Variants in DYNC1I1 observed in about 807,000 individuals in gnomAD.
The protein encoded by DYNC1I1 is dynein cytoplasmic 1 intermediate chain 1, also known as cytoplasmic dynein 1 intermediate chain 1.
Under a neutral mutation model 86.6 loss-of-function variants are expected in DYNC1I1, and 43 were observed. The ratio of observed to expected loss-of-function variants is 0.50; its 90% CI spans 0.39 to 0.64. DYNC1I1 has a LOEUF of 0.64. Among genes scored for constraint, DYNC1I1 ranks in the 30% least tolerant of loss-of-function variants. The probability of loss-of-function intolerance (pLI) is 0.00; values close to 1 mark genes in which losing one functional copy is unlikely to be tolerated. For synonymous variants in DYNC1I1, 262 were observed against 283.7 expected (o/e 0.92, Z 0.77); for missense variants, 604 against 788.8 (o/e 0.77, Z 2.81).
chr7:96,011,200 G>A (rs975331898), intron 10 of DYNC1I1, among the ~76,000 whole-genome samples: 1 of 152,050 alleles, frequency 6.6e-6, no homozygotes, highest in Admixed American at 6.6e-5. Flanking sequence ...TCTTGACTGT[G>A]GAAGTAGTCT....
chr7:95,959,167 A>T (rs77773626), intron 6 of DYNC1I1, among the ~76,000 whole-genome samples: 1 of 151,962 alleles, frequency 6.6e-6, no homozygotes, highest in African/African-American at 2.4e-5. Flanking sequence ...GTGAGAGGCT[A>T]TGAATGCTTG....
At chr7:96,019,241 C>T (rs1346734387) in intron 10 of DYNC1I1, among the ~76,000 whole-genome samples, 1 of 151,850 alleles carries the variant, frequency 6.6e-6, no homozygotes, top group African/African-American at 2.4e-5. Context: ...ATTGTAGTCA[C>T]CATGTTGTAC....
intron 14 of DYNC1I1, among the ~76,000 whole-genome samples, chr7:96,048,722 G>C (rs895184691): frequency 2.6e-5 from 4 of 152,164 alleles, no homozygotes; most frequent in Non-Finnish European, 5.9e-5. Flanking sequence ...CTAGTTTAGG[G>C]TTCAGACAGG....
rs192874255 is a variant in DYNC1I1, at chr7:95,947,726, G to A, written c.491-29786G>A. Among the ~76,000 whole-genome samples, 6 of 152,218 alleles carry A rather than the reference G, an allele frequency of 3.9e-5. No individual in the cohort carries two copies. In the East Asian group the frequency reaches 7.8e-4, roughly 20 times the overall value. On this transcript the variant is annotated intron_variant, in intron 6 of 16. Transcript: ENST00000447467. ...AGCTTAGACAGGCAAAGGAGCTAAGGCAGCTGAAATGCTCTGCATAAAATA... is the reference window on the plus strand; with the variant it reads ...AGCTTAGACAGGCAAAGGAGCTAAGACAGCTGAAATGCTCTGCATAAAATA...
chr7:96,001,038 A>G (rs1793998857), intron 10 of DYNC1I1, among the ~76,000 whole-genome samples: 1 of 152,206 alleles, frequency 6.6e-6, no homozygotes, highest in Non-Finnish European at 1.5e-5. Flanking sequence ...TCATTACAAA[A>G]ACTAGCCTCT....
At position 95,806,499 on chromosome 7, in the gene DYNC1I1, G is replaced by A. The variant is rs189158071; in HGVS notation, c.108+1662G>A. 9.8e-5 allele frequency among the ~76,000 whole-genome samples: 15 copies of A among 152,300 alleles called. No individual in the cohort carries two copies. In the East Asian group the frequency reaches 2.9e-3, roughly 29 times the overall value. On this transcript the variant is annotated intron_variant, in intron 2 of 16. Transcript: ENST00000447467. ...TGGGAGGTTGGAGGCTGCAGGTAGT[G>A]GAGGGTGTGGAACACCTGGACTCTA...
chr7:96,047,637 A>AT (rs1400326330), intron 14 of DYNC1I1, among the ~76,000 whole-genome samples: 1 of 152,206 alleles, frequency 6.6e-6, no homozygotes, highest in African/African-American at 2.4e-5. Context: ...GACACAGAAA[A>AT]TATAGACTAG....
At chr7:95,964,134 A>G (rs1229240527) in intron 6 of DYNC1I1, among the ~76,000 whole-genome samples, 1 of 152,188 alleles carries the variant, frequency 6.6e-6, no homozygotes, top group Non-Finnish European at 1.5e-5. Context: ...TGAGAATCTG[A>G]CTGTGATGAA....
At chr7:96,090,599 G>A (rs536275977) in intron 16 of DYNC1I1, among the ~76,000 whole-genome samples, 13 of 152,096 alleles carry the variant, frequency 8.5e-5, no homozygotes, top group African/African-American at 3.1e-4. Flanking sequence ...TGGCAGAGAG[G>A]TCTGAAGCTT....
At chr7:96,033,756 T>G (rs1794868358) in intron 12 of DYNC1I1, among the ~76,000 whole-genome samples, 1 of 152,160 alleles carries the variant, frequency 6.6e-6, no homozygotes, top group Non-Finnish European at 1.5e-5. Flanking sequence ...ACACTTGTAA[T>G]CCCAGCACTT....
chr7:95,793,346 G>T (rs954392129), intron 1 of DYNC1I1, among the ~76,000 whole-genome samples: 1 of 152,126 alleles, frequency 6.6e-6, no homozygotes, highest in Non-Finnish European at 1.5e-5. Flanking sequence ...TTACAAAACA[G>T]CTTTATTGGG....
chr7:95,835,199 A>T (rs1407506176), intron 5 of DYNC1I1, among the ~76,000 whole-genome samples: 1 of 97,996 alleles, frequency 1.0e-5, no homozygotes, highest in Non-Finnish European at 2.0e-5. Flanking sequence ...TTCAAAGAAC[A>T]TCTTTATTTC....
At chr7:95,953,138 G>T (rs1034176731) in intron 6 of DYNC1I1, among the ~76,000 whole-genome samples, 3 of 149,262 alleles carry the variant, frequency 2.0e-5, no homozygotes, top group Admixed American at 1.4e-4. Flanking sequence ...GATATACAGA[G>T]AATAAAACAG....
chr7:95,949,967 C>T lies in DYNC1I1; in HGVS notation c.491-27545C>T, dbSNP rs1584191997. On this transcript the variant is annotated intron_variant, in intron 6 of 16. Coordinates refer to ENST00000447467, the MANE Select transcript of DYNC1I1 (RefSeq NM_001135556.2). ...TAGTTTTAGTTTTCCATTAATCTCT[C>T]ATCTTTCTTTTTTTTTTTCTTGCAG... 4.2e-5 allele frequency among the ~76,000 whole-genome samples: 4 copies of T among 95,456 alleles called. No homozygotes were observed. The Admixed American group carries it at 5.3e-4, about 13-fold the overall frequency. 62.6% of individuals were successfully genotyped at this position (95,456 alleles called of 152,430 possible).
intron 10 of DYNC1I1, among the ~76,000 whole-genome samples, chr7:96,014,690 G>A (rs1484230057): frequency 1.1e-4 from 17 of 152,168 alleles, no homozygotes; most frequent in Admixed American, 1.1e-3. Context: ...GAATAGGGCA[G>A]AAAATATTCA....
chr7:95,907,552 C>A (rs758551704), intron 6 of DYNC1I1, among the ~76,000 whole-genome samples: 9 of 152,132 alleles, frequency 5.9e-5, no homozygotes, highest in Non-Finnish European at 1.3e-4. Flanking sequence ...CTTCCCTACT[C>A]TTCCAGTGAC....
intron 5 of DYNC1I1, among the ~76,000 whole-genome samples, chr7:95,828,727 A>C (rs1795257024): frequency 6.6e-6 from 1 of 152,152 alleles, no homozygotes; most frequent in East Asian, 1.9e-4. Context: ...ATGTATTATC[A>C]CAAGTTAAAA....
intron 6 of DYNC1I1, among the ~76,000 whole-genome samples, chr7:95,900,288 A>G (rs765464840): frequency 1.6e-4 from 25 of 152,076 alleles, no homozygotes; most frequent in Admixed American, 5.9e-4. Flanking sequence ...ATTCTTTGCC[A>G]CAAACCATTG....
intron 14 of DYNC1I1, among the ~76,000 whole-genome samples, chr7:96,063,895 T>C (rs752929653): frequency 6.6e-6 from 1 of 152,146 alleles, no homozygotes; most frequent in Non-Finnish European, 1.5e-5. Context: ...CTAATCCTTA[T>C]ATTGAAGGGC....
Sources: allele counts gnomAD v4.1 joint callset (sites outside exome capture counted in the v4.1 genomes callset), GRCh38; gene constraint gnomAD v4.1.1; transcripts MANE v1.5; gene names NCBI Gene and HGNC (gene_info 2026-07-23, HGNC 2026-07-21).